ZNF57: variants seen among roughly 807,000 people sequenced by gnomAD.
ZNF57 encodes zinc finger protein 57.
In ZNF57, 11 loss-of-function variants were observed where a neutral mutation model predicts 13.4. The ratio of observed to expected loss-of-function variants is 0.82; its 90% CI spans 0.52 to 1.36. ZNF57 has a LOEUF of 1.36. Ranked by LOEUF, ZNF57 falls within the 40% of genes most tolerant of loss-of-function variation. The pLI is 0.00. For missense variants in ZNF57, 696 were observed against 667.5 expected (o/e 1.04, Z -0.47); for synonymous variants, 224 against 238.5 (o/e 0.94, Z 0.56).
rs769394489 is a variant in ZNF57, at chr19:2,900,997, C to A, written c.-49C>A. ...ACCTGTACCTTTCAGCTGCGCCGGC[C>A]GCGAGGCCACGGAGAGCTCGCCTTG... is the stretch of plus-strand genomic sequence containing the variant. On this transcript the variant is annotated 5_prime_UTR_variant, in exon 1 of 4. Coordinates refer to ENST00000306908, the MANE Select transcript of ZNF57 (RefSeq NM_173480.3). 5.2e-6 allele frequency: 8 copies of A among 1,551,214 alleles called. No homozygotes were observed. The South Asian group carries it at 9.5e-5, about 18-fold the overall frequency.
In ZNF57 at chr19:2,917,678, G is replaced by C. The variant is rs759082466; in HGVS notation, c.1057G>C (p.Gly353Arg). The C allele has an allele frequency of 6.2e-7, 1 of 1,612,870 alleles. No homozygotes were observed. The highest frequency in any genetic ancestry group is 8.5e-7 in the Non-Finnish European group (1 of 1,179,648). Residue 353 changes from glycine to arginine, a missense_variant, in exon 4 of 4, where the codon GGT becomes CGT. Physicochemically the swap from Gly to Arg is moderately radical, Grantham distance 125. This residue lies in a region of ZNF57 where 645 missense variants were observed against 591.5 expected (regional missense o/e 1.09). Coordinates refer to ENST00000306908, the MANE Select transcript of ZNF57 (RefSeq NM_173480.3). ...TTTTACCTCTTCCAGATCATTCCAA[G>C]GTCATTTGAGGACGCACACTGGAGA... The part of the protein sequence containing the change: ...KAFTSSRSFQ[G>R]HLRTHTGEKP...
chr19:2,916,444 G>A (rs1422478372), intron 3 of ZNF57, 195 bp downstream of exon 3: 3 of 498,430 alleles, frequency 6.0e-6, no homozygotes, highest in East Asian at 3.6e-5. Flanking sequence ...CGGGCGCGAT[G>A]GCTCACGCCT....
chr19:2,915,383 A>G (rs1288656701), intron 1 of ZNF57, 139 bp from the exon 2 acceptor site: 2 of 1,151,126 alleles, frequency 1.7e-6, no homozygotes, highest in Non-Finnish European at 2.4e-6. Flanking sequence ...GATTGTGAAT[A>G]AGTAAAAGAT....
At position 2,900,946 on chromosome 19, in the gene ZNF57, C is replaced by T. The variant is rs2144914665; in HGVS notation, c.-100C>T. The stretch of plus-strand genomic sequence containing the variant: ...TTTCGTCCTCCCTGCCGCGCGTGCC[C>T]TGCCTACCACGAGCGGCCCGGGAGT... On this transcript the variant is annotated 5_prime_UTR_variant, in exon 1 of 4. Transcript: ENST00000306908. 1.3e-6 allele frequency: 2 copies of T among 1,483,734 alleles called. No homozygotes were observed. Among genetic ancestry groups the T allele is most frequent in the Middle Eastern group, 1.8e-4 (1 of 5,506 alleles). 91.9% of individuals were successfully genotyped at this position (1,483,734 alleles called of 1,614,324 possible).
intron 1 of ZNF57, among the ~76,000 whole-genome samples, chr19:2,907,775 G>A (rs1312630855): frequency 6.6e-6 from 1 of 152,222 alleles, no homozygotes. Flanking sequence ...GTACAGTGGT[G>A]TGATCACAGC....
Position 2,900,992 on chromosome 19 carries a change from C to T in ZNF57, c.-54C>T. The stretch of plus-strand genomic sequence containing the variant: ...GGAGTACCTGTACCTTTCAGCTGCG[C>T]CGGCCGCGAGGCCACGGAGAGCTCG... On this transcript the variant is annotated 5_prime_UTR_variant, in exon 1 of 4. Coordinates refer to ENST00000306908, the MANE Select transcript of ZNF57 (RefSeq NM_173480.3). 1 of 1,550,578 alleles carries T rather than the reference C, an allele frequency of 6.4e-7. No individual in the cohort carries two copies.
At chr19:2,915,876 G>A (rs2088187982) in intron 2 of ZNF57, 3 of 905,944 alleles carry the variant, frequency 3.3e-6, no homozygotes, top group Non-Finnish European at 3.4e-6. Flanking sequence ...ATTAGTAGGG[G>A]TATAGATTTC....
intron 1 of ZNF57, among the ~76,000 whole-genome samples, chr19:2,908,959 AAT>A (rs2088104388): frequency 6.6e-6 from 1 of 151,790 alleles, no homozygotes; most frequent in South Asian, 2.1e-4. Context: ...ATGGAATCCT[AAT>A]ATGTGTTCTT....
rs1373378544 is a variant in ZNF57, at chr19:2,910,524, G to C, written c.4-4998G>C. 2.8e-5 allele frequency among the ~76,000 whole-genome samples: 2 copies of C among 71,318 alleles called. 1 individual carries two copies. Among genetic ancestry groups the C allele is most frequent in the South Asian group, 1.2e-3 (2 of 1,666 alleles). 46.8% of individuals were successfully genotyped at this position (71,318 alleles called of 152,430 possible). ...TTCCCAGGCTGGAGTGCAGTGGCGC[G>C]ATCTCTGCTCACTGCAAGCGCCGCC... On this transcript the variant is annotated intron_variant, in intron 1 of 3. Coordinates refer to ENST00000306908, the MANE Select transcript of ZNF57 (RefSeq NM_173480.3).
intron 1 of ZNF57, among the ~76,000 whole-genome samples, chr19:2,907,359 C>T (rs2088085359): frequency 6.6e-6 from 1 of 152,124 alleles, no homozygotes; most frequent in African/African-American, 2.4e-5. Flanking sequence ...AGTTCTGCAG[C>T]AGGCCCACGA....
rs1387614672 is a variant in ZNF57, at chr19:2,901,032, G to A, written c.-14G>A. 3 of 1,560,174 alleles carry A rather than the reference G, an allele frequency of 1.9e-6. No homozygotes were observed. Among genetic ancestry groups the A allele is most frequent in the Non-Finnish European group, 2.6e-6 (3 of 1,151,326 alleles). On this transcript the variant is annotated 5_prime_UTR_variant, in exon 1 of 4. Transcript: ENST00000306908. ...CGGAGAGCTCGCCTTGGAGAGCCCAGGAGCAGGGGAGACATGGTGAGTGCG... is the reference window on the plus strand; with the variant it reads ...CGGAGAGCTCGCCTTGGAGAGCCCAAGAGCAGGGGAGACATGGTGAGTGCG...
Position 2,917,336 on chromosome 19 carries a change from T to C in ZNF57, c.715T>C (p.Phe239Leu), listed in dbSNP as rs750476802. 9 of 1,614,200 alleles carry C rather than the reference T, an allele frequency of 5.6e-6. No individual in the cohort carries two copies. The highest frequency in any genetic ancestry group is 4.2e-6 in the Non-Finnish European group (5 of 1,180,036). Residue 239 changes from phenylalanine to leucine, a missense_variant, in exon 4 of 4, where the codon TTC becomes CTC. Transcript: ENST00000306908. Reference protein sequence around the residue: ...CRMAFNGFASFTRHVRTHTKD... With the variant: ...CRMAFNGFASLTRHVRTHTKD... ...GATGGCGTTTAATGGGTTCGCAAGC[T>C]TCACTAGACATGTGAGAACTCACAC...
At chr19:2,912,041 G>A (rs993335988) in intron 1 of ZNF57, 5 of 152,214 alleles carry the variant, frequency 3.3e-5, no homozygotes, top group Admixed American at 6.5e-5. Context: ...GCAATGTACT[G>A]GGTGAAAGGC....
At chr19:2,913,932 C>T (rs1324722365) in intron 1 of ZNF57, among the ~76,000 whole-genome samples, 7 of 152,142 alleles carry the variant, frequency 4.6e-5, no homozygotes, top group Non-Finnish European at 1.0e-4. Flanking sequence ...TGAGCCACCG[C>T]GCCCGGCCAA....
chr19:2,901,520 T>C (rs1048546824), intron 1 of ZNF57, among the ~76,000 whole-genome samples: 1 of 41,018 alleles, frequency 2.4e-5, no homozygotes, highest in Non-Finnish European at 7.9e-5. Flanking sequence ...TGGTTTTATT[T>C]TTTTATTTTT....
intron 1 of ZNF57, among the ~76,000 whole-genome samples, chr19:2,901,504 T>G (rs2088029648): frequency 6.9e-6 from 1 of 144,522 alleles, no homozygotes; most frequent in African/African-American, 2.6e-5. Context: ...GTGATGGGAT[T>G]ATTATTGGTT....
intron 1 of ZNF57, chr19:2,915,059 T>G (rs1255792147): frequency 6.4e-6 from 1 of 155,710 alleles, no homozygotes; most frequent in Non-Finnish European, 1.4e-5. Flanking sequence ...CAGGAATTCT[T>G]AAGTCACATT....
intron 1 of ZNF57, among the ~76,000 whole-genome samples, chr19:2,911,065 A>ATATTTATT (rs71179929): frequency 1.0e-3 from 151 of 150,118 alleles, no homozygotes; most frequent in Middle Eastern, 3.4e-3. Context: ...AGCCCTAGAG[A>ATATTTATT]TATTTATTTA....
At chr19:2,915,978 T>A in intron 2 of ZNF57, 100 bp from the exon 3 acceptor site, 1 of 1,316,724 alleles carries the variant, frequency 7.6e-7, no homozygotes, top group Non-Finnish European at 1.1e-6. Flanking sequence ...CCCTTATGTC[T>A]GTTATTGATG....
Sources: gnomAD v4.1 joint callset for allele counts (sites outside exome capture counted in the v4.1 genomes callset) on GRCh38, gnomAD v4.1.1 for gene constraint, gnomAD v4.1.1 regional missense constraint, MANE v1.5 for transcripts, NCBI Gene and HGNC (gene_info 2026-07-23, HGNC 2026-07-21) for gene names.